RYR2: variants seen among roughly 807,000 people sequenced by gnomAD.
The protein encoded by RYR2 is cardiac muscle ryanodine receptor-calcium release channel.
RYR2 carries 227 observed loss-of-function variants against 601.1 expected under a neutral mutation model. The observed-to-expected ratio is 0.38, with a 90% confidence interval of 0.34 to 0.42. The LOEUF (loss-of-function observed/expected upper bound fraction) is 0.42. Among genes scored for constraint, RYR2 ranks in the 10% least tolerant of loss-of-function variants. The pLI is 1.00. For synonymous variants in RYR2, 2,223 were observed against 2,175.1 expected, an observed-to-expected ratio of 1.02 and a Z score of -0.61; for missense variants, 4,646 against 6,156.5, an observed-to-expected ratio of 0.75 and a Z score of 8.21.
intron 1 of RYR2, among the ~76,000 whole-genome samples, chr1:237,139,864 T>C (rs1673191832): frequency 1.3e-5 from 2 of 152,204 alleles, no homozygotes; most frequent in Admixed American, 1.3e-4. Flanking sequence ...TTTGACGAAA[T>C]GGAATCATTG....
chr1:237,071,875 G>A (rs1343951432), intron 1 of RYR2, among the ~76,000 whole-genome samples: 1 of 152,238 alleles, frequency 6.6e-6, no homozygotes, highest in East Asian at 1.9e-4. Context: ...TTCAGAGGGG[G>A]ATGAGGCGGC....
At chr1:237,616,302 C>A (rs1678460417) in intron 37 of RYR2, among the ~76,000 whole-genome samples, 1 of 152,120 alleles carries the variant, frequency 6.6e-6, no homozygotes, top group Admixed American at 6.5e-5. Context: ...TTTGGCAGAG[C>A]ATTCTCTCTT....
chr1:237,793,821 C>A (rs1226743512), intron 94 of RYR2, 46 bp from the exon 95 acceptor site: 2 of 1,435,136 alleles, frequency 1.4e-6, no homozygotes, highest in Admixed American at 1.9e-5. Flanking sequence ...ACAAGATATG[C>A]CAGTAAATCT....
intron 17 of RYR2, among the ~76,000 whole-genome samples, chr1:237,489,616 C>G (rs1490407873): frequency 6.6e-6 from 1 of 152,122 alleles, no homozygotes; most frequent in Non-Finnish European, 1.5e-5. Context: ...GAAATTGTGC[C>G]ATTGCATTCC....
At chr1:237,508,473 CAAACAAAATGTA>C (rs1363343363) in intron 23 of RYR2, among the ~76,000 whole-genome samples, 7 of 140,632 alleles carry the variant, frequency 5.0e-5, no homozygotes, top group African/African-American at 1.8e-4. Context: ...AAAAAAAAAA[CAAACAAAATGTA>C]AAACAAACAG....
chr1:237,165,053 A>T (rs1572065844), intron 1 of RYR2, among the ~76,000 whole-genome samples: 1 of 151,628 alleles, frequency 6.6e-6, no homozygotes, highest in African/African-American at 2.4e-5. Context: ...AACTCAGGGC[A>T]GCCTTGAACT....
chr1:237,644,109 T>C (rs1681873196), intron 48 of RYR2, among the ~76,000 whole-genome samples: 1 of 152,254 alleles, frequency 6.6e-6, no homozygotes, highest in African/African-American at 2.4e-5. Context: ...TCCTTAGTTA[T>C]GCATTTTGAT....
intron 48 of RYR2, among the ~76,000 whole-genome samples, chr1:237,647,728 G>A (rs1007361599): frequency 1.3e-5 from 2 of 152,162 alleles, no homozygotes; most frequent in Non-Finnish European, 2.9e-5. Context: ...CCAGTTTGGC[G>A]TAATTATCAT....
At chr1:237,357,313 C>T (rs1009518386) in intron 4 of RYR2, among the ~76,000 whole-genome samples, 1 of 152,244 alleles carries the variant, frequency 6.6e-6, no homozygotes, top group East Asian at 1.9e-4. Flanking sequence ...AGCCTGCTTC[C>T]TTCTCAGAAC....
chr1:237,690,222 T>C (rs1048421667), intron 63 of RYR2, among the ~76,000 whole-genome samples: 5 of 152,212 alleles, frequency 3.3e-5, no homozygotes, highest in Admixed American at 3.3e-4. Context: ...GGGCTGTAGA[T>C]GCTAATATGA....
At chr1:237,133,858 G>A (rs1321635664) in intron 1 of RYR2, among the ~76,000 whole-genome samples, 1 of 146,556 alleles carries the variant, frequency 6.8e-6, no homozygotes, top group Non-Finnish European at 1.5e-5. Flanking sequence ...CCGGGAGATG[G>A]AGGTTGCAGT....
intron 2 of RYR2, among the ~76,000 whole-genome samples, chr1:237,307,890 T>C (rs1694034815): frequency 6.6e-6 from 1 of 151,400 alleles, no homozygotes; most frequent in African/African-American, 2.4e-5. Flanking sequence ...CATAATATTA[T>C]CAGAGGCATT....
intron 1 of RYR2, among the ~76,000 whole-genome samples, chr1:237,259,783 G>A (rs1411293520): frequency 8.5e-5 from 13 of 152,160 alleles, no homozygotes; most frequent in Non-Finnish European, 1.5e-4. Context: ...GCACCTTGGA[G>A]GATGCCCAGT....
At chr1:237,142,048 T>G (rs956763428) in intron 1 of RYR2, among the ~76,000 whole-genome samples, 2 of 152,212 alleles carry the variant, frequency 1.3e-5, no homozygotes, top group Non-Finnish European at 2.9e-5. Context: ...TATTCTTACC[T>G]AAGTGGCTCC....
At chr1:237,650,943 A>C (rs1682667176) in intron 50 of RYR2, among the ~76,000 whole-genome samples, 3 of 152,234 alleles carry the variant, frequency 2.0e-5, no homozygotes, top group Non-Finnish European at 4.4e-5. Flanking sequence ...GTTGCCTGAC[A>C]CAGTAGATGT....
intron 17 of RYR2, among the ~76,000 whole-genome samples, chr1:237,485,121 A>G (rs1432695228): frequency 6.6e-6 from 1 of 152,176 alleles, no homozygotes; most frequent in Non-Finnish European, 1.5e-5. Context: ...ACTAAGAAAT[A>G]TAAATTCCCT....
intron 84 of RYR2, among the ~76,000 whole-genome samples, chr1:237,767,626 A>T (rs1386086965): frequency 6.6e-6 from 1 of 152,236 alleles, no homozygotes; most frequent in African/African-American, 2.4e-5. Context: ...CACAATGCCT[A>T]GCACACTGTA....
intron 3 of RYR2, among the ~76,000 whole-genome samples, chr1:237,342,064 C>G (rs1572661139): frequency 6.6e-6 from 1 of 152,068 alleles, no homozygotes; most frequent in South Asian, 2.1e-4. Flanking sequence ...GAAGGCAATA[C>G]AAATAATATG....
At chr1:237,674,258 A>G in intron 59 of RYR2, 39 bp downstream of exon 59, 1 of 1,494,386 alleles carries the variant, frequency 6.7e-7, no homozygotes, top group Non-Finnish European at 9.3e-7. Flanking sequence ...CTCTTTTCAC[A>G]AGAGTGAATA....
Sources: gnomAD v4.1 joint callset for allele counts (sites outside exome capture counted in the v4.1 genomes callset) on GRCh38, gnomAD v4.1.1 for gene constraint, MANE v1.5 for transcripts, NCBI Gene and HGNC (gene_info 2026-07-23, HGNC 2026-07-21) for gene names.